SHISAL2B: variants seen among roughly 807,000 people sequenced by gnomAD.
SHISAL2B encodes the protein shisa like 2B.
A neutral mutation model predicts 16.5 loss-of-function variants in SHISAL2B; 12 were observed. That is an observed-to-expected ratio of 0.73 (90% CI 0.47 to 1.18). The LOEUF is 1.18. SHISAL2B is among the 50% of genes most tolerant of loss of function. The pLI is 0.00. For missense variants in SHISAL2B, 183 were observed against 193.6 expected (o/e 0.95, Z 0.33); for synonymous variants, 72 against 75.0 (o/e 0.96, Z 0.21).
intron 1 of SHISAL2B, among the ~76,000 whole-genome samples, chr5:64,692,260 C>T (rs1005624880): frequency 6.6e-6 from 1 of 152,180 alleles, no homozygotes; most frequent in African/African-American, 2.4e-5. Context: ...TCAAACTCAA[C>T]TGGAAAATGT....
chr5:64,714,691 G>T (rs1742015947), intron 2 of SHISAL2B, among the ~76,000 whole-genome samples: 3 of 152,322 alleles, frequency 2.0e-5, no homozygotes, highest in African/African-American at 4.8e-5. Flanking sequence ...CAATCAGCGA[G>T]ATTCCGTGGG....
chr5:64,704,602 A>G (rs1184253019), intron 2 of SHISAL2B, among the ~76,000 whole-genome samples: 1 of 152,236 alleles, frequency 6.6e-6, no homozygotes, highest in Non-Finnish European at 1.5e-5. Context: ...CCACTTCACT[A>G]ATGAGAAAAA....
intron 2 of SHISAL2B, among the ~76,000 whole-genome samples, chr5:64,706,330 A>T (rs1195337988): frequency 6.6e-6 from 1 of 152,162 alleles, no homozygotes; most frequent in Non-Finnish European, 1.5e-5. Flanking sequence ...TTTTACATAA[A>T]CAGTAGGGGG....
rs1360486952 is a variant in SHISAL2B, at chr5:64,717,981, G to T, written c.442G>T (p.Glu148Ter). Residue 148 changes from glutamate (E) to a stop codon, truncating the protein, a stop_gained, in exon 3 of 3, where the codon GAA becomes TAA. Coordinates refer to ENST00000389074, the MANE Select transcript of SHISAL2B (RefSeq NM_001164442.2). LOFTEE classifies it high-confidence loss of function. ...TYYEADDIIQ[E>*]KTMDATQIHI... ...CTATGAAGCTGATGATATAATTCAA[G>T]AAAAAACAATGGATGCAACACAAAT... The T allele has an allele frequency of 2.0e-6, 3 of 1,519,742 alleles. No individual in the cohort carries two copies. In the South Asian group the frequency reaches 3.8e-5, roughly 19 times the overall value. The allele number at this position is 1,519,742 out of a possible 1,614,324, so 94.1% of individuals were successfully genotyped here. A position where few individuals can be genotyped will look rare whatever the true frequency, so the allele number is the denominator to read the frequency against.
chr5:64,695,030 C>T (rs933086511), intron 1 of SHISAL2B, among the ~76,000 whole-genome samples: 2 of 151,980 alleles, frequency 1.3e-5, no homozygotes, highest in Admixed American at 6.6e-5. Flanking sequence ...TTTGGGAGGC[C>T]GAGGCGGGTG....
chr5:64,702,047 T>C (rs1273712331), intron 2 of SHISAL2B, among the ~76,000 whole-genome samples: 2 of 152,176 alleles, frequency 1.3e-5, no homozygotes, highest in South Asian at 2.1e-4. Context: ...TTTCTCCTTT[T>C]GGTTTCACAC....
chr5:64,692,286 A>G (rs1238965183), intron 1 of SHISAL2B, among the ~76,000 whole-genome samples: 1 of 152,232 alleles, frequency 6.6e-6, no homozygotes, highest in Non-Finnish European at 1.5e-5. Flanking sequence ...AGATTCTCAG[A>G]TCCTTGAATA....
At chr5:64,710,390 A>G (rs1421769008) in intron 2 of SHISAL2B, among the ~76,000 whole-genome samples, 5 of 83,894 alleles carry the variant, frequency 6.0e-5, no homozygotes, top group African/African-American at 1.4e-4. Context: ...TGTTCCATTG[A>G]TCTATATCTC....
At chr5:64,717,407 C>T (rs891579405) in intron 2 of SHISAL2B, among the ~76,000 whole-genome samples, 2 of 152,166 alleles carry the variant, frequency 1.3e-5, no homozygotes, top group Non-Finnish European at 2.9e-5. Context: ...TATTCCTTCA[C>T]CTTTGCTCAT....
chr5:64,715,854 A>G (rs1742041766), intron 2 of SHISAL2B, among the ~76,000 whole-genome samples: 1 of 152,170 alleles, frequency 6.6e-6, no homozygotes, highest in Non-Finnish European at 1.5e-5. Flanking sequence ...TAGCAATTCT[A>G]TCATTGGAAA....
chr5:64,707,684 T>A (rs917885084), intron 2 of SHISAL2B, among the ~76,000 whole-genome samples: 1 of 152,222 alleles, frequency 6.6e-6, no homozygotes, highest in Non-Finnish European at 1.5e-5. Context: ...CAAATTTTGT[T>A]TACAGGAGTA....
chr5:64,691,359 A>G (rs1356374527), intron 1 of SHISAL2B: 1 of 137,514 alleles, frequency 7.3e-6, no homozygotes, highest in African/African-American at 3.3e-5. Context: ...TTTAAAATAC[A>G]TGTATATTTT....
rs1186281923 is a variant in SHISAL2B, at chr5:64,718,013, T to C, written c.474T>C (p.Ile158=). ...CAATGGATGCAACACAAATCCACATTGCTTATTAACTAAAAATTCTGTGTT... is the reference window on the plus strand; with the variant it reads ...CAATGGATGCAACACAAATCCACATCGCTTATTAACTAAAAATTCTGTGTT... The part of the protein sequence containing the change: ...EKTMDATQIH[I]AY The change falls in exon 3 of 3, where the codon ATT becomes ATC. Residue 158 remains isoleucine, a synonymous_variant. Coordinates refer to ENST00000389074, the MANE Select transcript of SHISAL2B (RefSeq NM_001164442.2). 4 of 1,504,272 alleles carry C rather than the reference T, an allele frequency of 2.7e-6. No homozygotes were observed. In the Admixed American group the frequency reaches 1.0e-4, roughly 38 times the overall value. 93.2% of individuals were successfully genotyped at this position (1,504,272 alleles called of 1,614,324 possible). A position where few individuals can be genotyped will look rare whatever the true frequency, so the allele number is the denominator to read the frequency against.
At chr5:64,716,390 GAC>G (rs1358499403) in intron 2 of SHISAL2B, among the ~76,000 whole-genome samples, 1 of 152,080 alleles carries the variant, frequency 6.6e-6, no homozygotes, top group African/African-American at 2.4e-5. Context: ...CATTTTTATA[GAC>G]ACATCATTAA....
intron 1 of SHISAL2B, among the ~76,000 whole-genome samples, chr5:64,691,891 C>T (rs1294969737): frequency 1.3e-5 from 2 of 152,140 alleles, no homozygotes; most frequent in African/African-American, 2.4e-5. Context: ...TTATGTCTCC[C>T]AGTCTCCTAC....
Position 64,718,166 on chromosome 5 carries a change from C to T in SHISAL2B, c.*144C>T. On this transcript the variant is annotated 3_prime_UTR_variant, in exon 3 of 3. Transcript: ENST00000389074. The stretch of plus-strand genomic sequence containing the variant: ...AGCTGCATTTTTGATCATTCAGTTA[C>T]TTTATTAAACGCACATTAAGGTTTT... 1 of 596,108 alleles carries T rather than the reference C, an allele frequency of 1.7e-6. No individual in the cohort carries two copies. Among genetic ancestry groups the T allele is most frequent in the Non-Finnish European group, 2.7e-6 (1 of 375,928 alleles). 36.9% of individuals were successfully genotyped at this position (596,108 alleles called of 1,614,324 possible).
chr5:64,698,636 C>A (rs1741769855), intron 2 of SHISAL2B, among the ~76,000 whole-genome samples: 1 of 152,208 alleles, frequency 6.6e-6, no homozygotes, highest in Non-Finnish European at 1.5e-5. Context: ...ACATTTAATA[C>A]CCTCTTCCTG....
intron 1 of SHISAL2B, 27 bp from the exon 2 acceptor site, chr5:64,695,480 C>T: frequency 6.6e-7 from 1 of 1,505,962 alleles, no homozygotes; most frequent in Non-Finnish European, 8.9e-7. Context: ...CTTTGTGTGA[C>T]ACATATTTTT....
chr5:64,696,948 C>G (rs534598603), intron 2 of SHISAL2B, among the ~76,000 whole-genome samples: 3 of 152,294 alleles, frequency 2.0e-5, no homozygotes, highest in Admixed American at 1.3e-4. Flanking sequence ...GTGACCTACT[C>G]CCTATTCGTA....
Sources: gnomAD v4.1 joint callset for allele counts (sites outside exome capture counted in the v4.1 genomes callset) on GRCh38, gnomAD v4.1.1 for gene constraint, MANE v1.5 for transcripts, NCBI Gene and HGNC (gene_info 2026-07-23, HGNC 2026-07-21) for gene names.